Variants in CERS6 observed in about 807,000 individuals in gnomAD.
CERS6 encodes the protein LAG1 homolog, ceramide synthase 6.
In CERS6, 26 loss-of-function variants were observed where a neutral mutation model predicts 56.8. That is an observed-to-expected ratio of 0.46 (90% CI 0.34 to 0.63). The LOEUF (loss-of-function observed/expected upper bound fraction) is 0.63. Ranked by LOEUF, CERS6 falls within the 30% of genes least tolerant of loss-of-function variation. The pLI, the probability that CERS6 is intolerant of heterozygous loss-of-function variation, is 0.01. For synonymous variants in CERS6, 164 were observed against 173.3 expected, an observed-to-expected ratio of 0.95 and a Z score of 0.42; for missense variants, 415 against 467.5, an observed-to-expected ratio of 0.89 and a Z score of 1.04.
intron 1 of CERS6, among the ~76,000 whole-genome samples, chr2:168,521,214 G>A (rs1318190344): frequency 4.6e-5 from 7 of 152,174 alleles, no homozygotes; most frequent in Admixed American, 4.6e-4. Flanking sequence ...CAAAGCTGGG[G>A]TCAGGACCAG....
intron 1 of CERS6, among the ~76,000 whole-genome samples, chr2:168,492,639 T>C (rs1196414606): frequency 6.6e-6 from 1 of 152,242 alleles, no homozygotes; most frequent in Non-Finnish European, 1.5e-5. Context: ...TTTGTCGATT[T>C]TGGCTTTTGT....
chr2:168,651,229 G>T (rs1272240832), intron 4 of CERS6, among the ~76,000 whole-genome samples: 1 of 152,130 alleles, frequency 6.6e-6, no homozygotes, highest in Non-Finnish European at 1.5e-5. Context: ...ATTTTTACCT[G>T]GGTTTTCATG....
chr2:168,659,351 C>T (rs577070752), intron 4 of CERS6, among the ~76,000 whole-genome samples: 28 of 152,330 alleles, frequency 1.8e-4, no homozygotes, highest in Middle Eastern at 6.8e-3. Flanking sequence ...CTCCCTCACA[C>T]GATTTCCTAC....
At chr2:168,703,997 A>G (rs1284791027) in intron 6 of CERS6, among the ~76,000 whole-genome samples, 1 of 152,220 alleles carries the variant, frequency 6.6e-6, no homozygotes, top group Non-Finnish European at 1.5e-5. Flanking sequence ...AGACTGGTGG[A>G]AGAACAATAG....
intron 3 of CERS6, among the ~76,000 whole-genome samples, chr2:168,603,806 G>C: frequency 6.6e-6 from 1 of 152,212 alleles, no homozygotes; most frequent in Admixed American, 6.5e-5. Flanking sequence ...TAAAGAGTCT[G>C]CTGAGGAGCC....
intron 4 of CERS6, among the ~76,000 whole-genome samples, chr2:168,643,348 G>T (rs1422102039): frequency 1.3e-5 from 2 of 152,084 alleles, no homozygotes; most frequent in Admixed American, 6.5e-5. Context: ...TTATAATTTT[G>T]TTGTTGTTGT....
intron 4 of CERS6, among the ~76,000 whole-genome samples, chr2:168,639,763 C>T (rs1449849888): frequency 6.6e-6 from 1 of 152,106 alleles, no homozygotes; most frequent in African/African-American, 2.4e-5. Flanking sequence ...CTGATTATAG[C>T]TCTGTGTGTG....
At chr2:168,620,455 A>G (rs7574536) in intron 3 of CERS6, among the ~76,000 whole-genome samples, 45,617 of 151,988 alleles carry the variant, frequency 0.3, 7,701 homozygotes, top group African/African-American at 0.46. Context: ...GAAAAAAAGT[A>G]GAATGAGCCT....
intron 1 of CERS6, among the ~76,000 whole-genome samples, chr2:168,512,112 T>C (rs1399806292): frequency 6.6e-6 from 1 of 152,188 alleles, no homozygotes; most frequent in Non-Finnish European, 1.5e-5. Context: ...TCCACTCATA[T>C]AAGGTACCTA....
rs374852157 is a variant in CERS6, at chr2:168,550,885, C to T, written c.276+3184C>T. The stretch of plus-strand genomic sequence containing the variant: ...TTTGCACTCGGCCCTCCACTGGGGG[C>T]TGAAGGCAGCAGCAGTCACTAGGAA... On this transcript the variant is annotated intron_variant, in intron 2 of 9. Transcript: ENST00000305747. 6.8e-4 allele frequency among the ~76,000 whole-genome samples: 103 copies of T among 152,290 alleles called. 2 individuals are homozygous for T. In the South Asian group the frequency reaches 0.019, roughly 28 times the overall value.
At chr2:168,481,042 C>T (rs946324197) in intron 1 of CERS6, among the ~76,000 whole-genome samples, 2 of 152,150 alleles carry the variant, frequency 1.3e-5, no homozygotes, top group African/African-American at 4.8e-5. Context: ...CTGAAAGTTG[C>T]TGGGCACCAA....
intron 3 of CERS6, among the ~76,000 whole-genome samples, chr2:168,578,030 A>G (rs899674856): frequency 6.6e-6 from 1 of 152,134 alleles, no homozygotes. Context: ...TGGAAACTTC[A>G]CAGTGTGATG....
intron 4 of CERS6, among the ~76,000 whole-genome samples, chr2:168,649,526 T>G (rs1685291976): frequency 6.6e-6 from 1 of 152,218 alleles, no homozygotes; most frequent in South Asian, 2.1e-4. Context: ...ACTAAAATTA[T>G]GTAGTATGCA....
At chr2:168,650,905 A>G (rs1685326984) in intron 4 of CERS6, among the ~76,000 whole-genome samples, 1 of 152,166 alleles carries the variant, frequency 6.6e-6, no homozygotes, top group Non-Finnish European at 1.5e-5. Context: ...CTTCTTGAAC[A>G]ATATAGAAGT....
At position 168,594,724 on chromosome 2, in the gene CERS6, A is replaced by G. The variant is rs79496560; in HGVS notation, c.407+33402A>G. Among the ~76,000 whole-genome samples the G allele has an allele frequency of 5.1e-3, 776 of 152,308 alleles. 10 individuals carry two copies. The highest frequency in any genetic ancestry group is 0.017 in the African/African-American group (726 of 41,564). ...GCCCAACTCAGGTCATGTTATTACC[A>G]TGAGCCCTTTCTACTATTCTTTCTC... is the stretch of plus-strand genomic sequence containing the variant. On this transcript the variant is annotated intron_variant, in intron 3 of 9. Transcript: ENST00000305747.
chr2:168,628,579 A>C (rs1684642681), intron 3 of CERS6, among the ~76,000 whole-genome samples: 1 of 152,170 alleles, frequency 6.6e-6, no homozygotes, highest in Non-Finnish European at 1.5e-5. Context: ...CCTTCTTCCC[A>C]GTTGGCTTTT....
intron 1 of CERS6, among the ~76,000 whole-genome samples, chr2:168,528,057 A>G (rs751341295): frequency 6.6e-6 from 1 of 151,942 alleles, no homozygotes; most frequent in South Asian, 2.1e-4. Context: ...TAACCCATTC[A>G]TGAAGGTAGT....
intron 5 of CERS6, among the ~76,000 whole-genome samples, chr2:168,693,273 A>G (rs964474441): frequency 3.9e-5 from 6 of 152,136 alleles, no homozygotes; most frequent in African/African-American, 1.4e-4. Flanking sequence ...TTATAGTACT[A>G]ATTTTATAGG....
intron 1 of CERS6, among the ~76,000 whole-genome samples, chr2:168,464,698 T>TA (rs543390356): frequency 0.041 from 5,562 of 134,200 alleles, 275 homozygotes; most frequent in African/African-American, 0.13. Flanking sequence ...GAGCCTAAAT[T>TA]AAAAAAAAAA....
Sources: gnomAD v4.1 joint callset for allele counts (sites outside exome capture counted in the v4.1 genomes callset) on GRCh38, gnomAD v4.1.1 for gene constraint, MANE v1.5 for transcripts, NCBI Gene and HGNC (gene_info 2026-07-23, HGNC 2026-07-21) for gene names.